ZNF90: variants seen among roughly 807,000 people sequenced by gnomAD.
ZNF90 encodes zinc finger protein HTF9.
ZNF90 carries 11 observed loss-of-function variants against 12.0 expected under a neutral mutation model. The observed-to-expected ratio is 0.92, with a 90% CI of 0.58 to 1.52. ZNF90 has a LOEUF of 1.52. Ranked by LOEUF, ZNF90 falls within the 40% of genes most tolerant of loss-of-function variation. The pLI is 0.00. For synonymous variants in ZNF90, 232 were observed against 240.1 expected, an observed-to-expected ratio of 0.97 and a Z score of 0.31; for missense variants, 765 against 711.5, an observed-to-expected ratio of 1.08 and a Z score of -0.86.
At chr19:20,101,424 C>T (rs1433244591) in intron 1 of ZNF90, among the ~76,000 whole-genome samples, 2 of 152,184 alleles carry the variant, frequency 1.3e-5, no homozygotes, top group Non-Finnish European at 2.9e-5. Context: ...TGGGAGTGGC[C>T]TGCCACCATC....
chr19:20,078,368 A>G (rs1179912642), intron 1 of ZNF90, among the ~76,000 whole-genome samples: 1 of 151,934 alleles, frequency 6.6e-6, no homozygotes, highest in East Asian at 1.9e-4. Context: ...CTCTCTGGGC[A>G]GCTCTGCACC....
chr19:20,113,257 C>T (rs1448592477), intron 3 of ZNF90, among the ~76,000 whole-genome samples: 3 of 151,764 alleles, frequency 2.0e-5, no homozygotes, highest in Non-Finnish European at 2.9e-5. Flanking sequence ...GGCAGGATCT[C>T]AGCTCACTAT....
At chr19:20,109,328 G>A (rs1599651408) in intron 3 of ZNF90, among the ~76,000 whole-genome samples, 1 of 152,058 alleles carries the variant, frequency 6.6e-6, no homozygotes, top group Non-Finnish European at 1.5e-5. Flanking sequence ...CCCAATTTTA[G>A]ATATTTTTTC....
chr19:20,105,739 G>T (rs555735074), intron 3 of ZNF90, among the ~76,000 whole-genome samples: 18 of 152,200 alleles, frequency 1.2e-4, no homozygotes, highest in African/African-American at 4.1e-4. Context: ...TCATTTTTCT[G>T]CATGGTCCAT....
chr19:20,100,010 G>T (rs1022241929), intron 1 of ZNF90, among the ~76,000 whole-genome samples: 6 of 152,200 alleles, frequency 3.9e-5, no homozygotes, highest in Non-Finnish European at 7.4e-5. Flanking sequence ...GAAGTGAACC[G>T]CCAAGCGGAT....
At chr19:20,088,022 G>T (rs983910872) in intron 1 of ZNF90, among the ~76,000 whole-genome samples, 1 of 152,110 alleles carries the variant, frequency 6.6e-6, no homozygotes, top group Non-Finnish European at 1.5e-5. Flanking sequence ...CAGTTAAGGT[G>T]GGGCAGGGCA....
At chr19:20,101,480 G>A (rs980540027) in intron 1 of ZNF90, among the ~76,000 whole-genome samples, 9 of 152,204 alleles carry the variant, frequency 5.9e-5, no homozygotes, top group African/African-American at 1.9e-4. Flanking sequence ...TAAATTGCTG[G>A]TGTCTGTGCT....
intron 3 of ZNF90, among the ~76,000 whole-genome samples, chr19:20,113,108 T>C (rs1555705305): frequency 1.3e-5 from 2 of 152,238 alleles, no homozygotes; most frequent in South Asian, 2.1e-4. Context: ...TCTTTTCCTG[T>C]ATAAATATTA....
intron 3 of ZNF90, among the ~76,000 whole-genome samples, chr19:20,115,814 C>A (rs552886703): frequency 3.0e-4 from 46 of 151,912 alleles, no homozygotes; most frequent in African/African-American, 1.1e-3. Flanking sequence ...TCCTCATTTT[C>A]CTGATCTTCA....
At chr19:20,098,747 T>C (rs991280304) in intron 1 of ZNF90, among the ~76,000 whole-genome samples, 1 of 152,220 alleles carries the variant, frequency 6.6e-6, no homozygotes, top group Non-Finnish European at 1.5e-5. Context: ...TTGGAGGATG[T>C]CAGAGCAGAA....
At position 20,119,482 on chromosome 19, in the gene ZNF90, T is replaced by C. The variant is rs758798454; in HGVS notation, c.*122T>C. 1.2e-6 allele frequency: 1 copy of C among 835,348 alleles called. No homozygotes were observed. The highest frequency in any genetic ancestry group is 1.8e-6 in the Non-Finnish European group (1 of 543,970). The allele number at this position is 835,348 out of a possible 1,614,324, so 51.7% of individuals were successfully genotyped here. ...CTCTTACTAAATATGAGAATTTATA[T>C]GAAACATAACTCCTACAAAAATAAA... On this transcript the variant is annotated 3_prime_UTR_variant, in exon 4 of 4. Transcript: ENST00000418063.
At chr19:20,088,990 T>C (rs2088881244) in intron 1 of ZNF90, among the ~76,000 whole-genome samples, 1 of 152,184 alleles carries the variant, frequency 6.6e-6, no homozygotes, top group Non-Finnish European at 1.5e-5. Context: ...TACATGTGCC[T>C]GTCCAATTAG....
At position 20,118,884 on chromosome 19, in the gene ZNF90, A is replaced by T. The variant is rs1555706179; in HGVS notation, c.1330A>T (p.Lys444Ter). Residue 444 changes from lysine (K) to a stop codon, truncating the protein, a stop_gained, in exon 4 of 4, where the codon AAG (lysine) becomes TAG (stop). Coordinates refer to ENST00000418063, the MANE Select transcript of ZNF90 (RefSeq NM_007138.2). LOFTEE classifies it low-confidence loss of function (END_TRUNC). Reference protein sequence around the residue: ...FKRSSALSTHKIIHSGEKPYK... With the variant: ...FKRSSALSTH The stretch of plus-strand genomic sequence containing the variant: ...ACGCTCCTCAGCCCTTAGCACACAT[A>T]AGATAATTCATAGTGGAGAGAAACC... 1 of 1,612,022 alleles carries T rather than the reference A, an allele frequency of 6.2e-7. No individual in the cohort carries two copies. Among genetic ancestry groups the T allele is most frequent in the Admixed American group, 1.7e-5 (1 of 59,620 alleles).
Position 20,110,781 on chromosome 19 carries a change from TATAA to T in ZNF90, c.226+5469_226+5472del, listed in dbSNP as rs1223987782. 5.6e-4 allele frequency among the ~76,000 whole-genome samples: 85 copies of T among 152,308 alleles called. 1 individual carries two copies. Among genetic ancestry groups the T allele is most frequent in the African/African-American group, 1.9e-3 (81 of 41,568 alleles). On this transcript the variant is annotated intron_variant, in intron 3 of 3. Transcript: ENST00000418063. Reference sequence around the variant, plus strand: ...TGTGGGTTTTTCTTTTTCAGTTCTCTATAAATAGTTTTTTGTGCCCTTTCAAATG... The same window carrying T: ...TGTGGGTTTTTCTTTTTCAGTTCTCTATAGTTTTTTGTGCCCTTTCAAATG...
chr19:20,117,764 C>A lies in ZNF90; in HGVS notation c.227-17C>A. 6.7e-7 allele frequency: 1 copy of A among 1,482,164 alleles called. No homozygotes were observed. Among genetic ancestry groups the A allele is most frequent in the African/African-American group, 1.4e-5 (1 of 70,438 alleles). The allele number at this position is 1,482,164 out of a possible 1,614,324, so 91.8% of individuals were successfully genotyped here. Reference sequence around the variant, plus strand: ...AATCTAGCAATTGAAGTAATGTGTTCTTATTGTTTCTTTCAGTTATGTGTT... The same window carrying A: ...AATCTAGCAATTGAAGTAATGTGTTATTATTGTTTCTTTCAGTTATGTGTT... On this transcript the variant is annotated splice_polypyrimidine_tract_variant and intron_variant, in intron 3 of 3. Transcript: ENST00000418063.
intron 1 of ZNF90, among the ~76,000 whole-genome samples, chr19:20,101,522 A>T (rs931132975): frequency 3.3e-5 from 5 of 152,214 alleles, no homozygotes; most frequent in Admixed American, 6.5e-5. Context: ...GGAAAGGAGA[A>T]ACTTTTATTT....
Position 20,118,423 on chromosome 19 carries a change from G to A in ZNF90, c.869G>A (p.Cys290Tyr), listed in dbSNP as rs782526059. Residue 290 changes from cysteine (C) to tyrosine (Y), a missense_variant, in exon 4 of 4, where the codon TGT becomes TAT. Cys to Tyr is a radical substitution (Grantham distance 194). Transcript: ENST00000418063. ...GAGAAACCCTACAAGTGTGATAAAT[G>A]TGGCAGAGCATTTATTTCATCCTCG... ...TGEKPYKCDK[C>Y]GRAFISSSIL... The A allele has an allele frequency of 9.3e-6, 15 of 1,611,368 alleles. No individual in the cohort carries two copies. The highest frequency in any genetic ancestry group is 1.3e-5 in the Non-Finnish European group (15 of 1,178,594).
At position 20,118,515 on chromosome 19, in the gene ZNF90, G is replaced by A. The variant is rs1474867652; in HGVS notation, c.961G>A (p.Ala321Thr). The change falls in exon 4 of 4, where the codon GCC becomes ACC. Residue 321 changes from alanine (A) to threonine (T), a missense_variant. Transcript: ENST00000418063. The part of the protein sequence containing the change: ...KPYKCEECGK[A>T]FKLSSILSTH... ...CTACAAATGTGAAGAATGTGGCAAA[G>A]CCTTCAAGCTCTCCTCAATCCTTAG... The A allele has an allele frequency of 1.9e-6, 3 of 1,613,672 alleles. No homozygotes were observed. Among genetic ancestry groups the A allele is most frequent in the Non-Finnish European group, 2.5e-6 (3 of 1,179,970 alleles).
chr19:20,082,050 C>A (rs1341937757), intron 1 of ZNF90, among the ~76,000 whole-genome samples: 1 of 152,040 alleles, frequency 6.6e-6, no homozygotes, highest in Non-Finnish European at 1.5e-5. Flanking sequence ...AGGCGTGAGC[C>A]ACCGCGCCTG....
Sources: allele counts gnomAD v4.1 joint callset (sites outside exome capture counted in the v4.1 genomes callset), GRCh38; gene constraint gnomAD v4.1.1; transcripts MANE v1.5; gene names NCBI Gene and HGNC (gene_info 2026-07-23, HGNC 2026-07-21).